Variants in SHISA9 observed in about 807,000 individuals in gnomAD.
The protein encoded by SHISA9 is protein shisa-9.
Under a neutral mutation model 38.0 loss-of-function variants are expected in SHISA9, and 13 were observed. The observed-to-expected ratio is 0.34, with a 90% confidence interval of 0.22 to 0.54. SHISA9 has a LOEUF of 0.54. SHISA9 is among the 20% of genes least tolerant of loss of function. SHISA9 has a pLI of 0.91. For synonymous variants in SHISA9, 275 were observed against 242.0 expected (o/e 1.14, Z -1.27); for missense variants, 538 against 575.8 (o/e 0.93, Z 0.67).
the SHISA9 span, among the ~76,000 whole-genome samples, chr16:13,293,296 A>G: frequency 1.3e-5 from 2 of 152,066 alleles, no homozygotes; most frequent in Non-Finnish European, 2.9e-5. Context: ...TGAGAAGACC[A>G]CGTTGGTTTT....
chr16:13,198,897 G>C (rs2050976350), intron 2 of SHISA9, among the ~76,000 whole-genome samples: 1 of 152,138 alleles, frequency 6.6e-6, no homozygotes, highest in Admixed American at 6.5e-5. Context: ...GGATCGCTTT[G>C]GTGGGGTATT....
chr16:13,345,652 CTT>C, the SHISA9 span, among the ~76,000 whole-genome samples: 1 of 152,062 alleles, frequency 6.6e-6, no homozygotes, highest in Non-Finnish European at 1.5e-5. Context: ...GTATTTCTAT[CTT>C]TAGGTCTTTG....
intron 4 of SHISA9, among the ~76,000 whole-genome samples, chr16:13,229,555 G>T (rs1446954827): frequency 6.6e-6 from 1 of 152,168 alleles, no homozygotes; most frequent in African/African-American, 2.4e-5. Context: ...GAAAATATAT[G>T]TCTGGGCCAC....
downstream of SHISA9, among the ~76,000 whole-genome samples, chr16:13,240,837 C>G (rs911119881): frequency 6.6e-6 from 1 of 151,700 alleles, no homozygotes; most frequent in Non-Finnish European, 1.5e-5. Context: ...CCTGTCTGGC[C>G]TCTGGTAGCA....
At chr16:13,055,011 C>G (rs1324129565) in intron 2 of SHISA9, among the ~76,000 whole-genome samples, 2 of 152,144 alleles carry the variant, frequency 1.3e-5, no homozygotes, top group Non-Finnish European at 2.9e-5. Flanking sequence ...CCCCTTTGTC[C>G]TACAATCACA....
chr16:13,002,375 TC>T (rs1199708309), intron 2 of SHISA9, among the ~76,000 whole-genome samples: 1 of 152,094 alleles, frequency 6.6e-6, no homozygotes, highest in East Asian at 1.9e-4. Flanking sequence ...CCTGCAACCA[TC>T]CTAGGAGTTA....
At chr16:13,343,709 T>C in the SHISA9 span, among the ~76,000 whole-genome samples, 1 of 152,166 alleles carries the variant, frequency 6.6e-6, no homozygotes, top group Non-Finnish European at 1.5e-5. Context: ...CTAAAGCAAT[T>C]GATCTCTGGT....
the SHISA9 span, among the ~76,000 whole-genome samples, chr16:13,489,209 G>A: frequency 6.6e-6 from 1 of 152,038 alleles, no homozygotes; most frequent in South Asian, 2.1e-4. Context: ...CACCACACCC[G>A]GCTAATTTTT....
chr16:13,156,528 A>T (rs1472598661), intron 2 of SHISA9, among the ~76,000 whole-genome samples: 1 of 152,016 alleles, frequency 6.6e-6, no homozygotes, highest in East Asian at 1.9e-4. Context: ...AGGTCGGGAG[A>T]TCGAGACCAT....
At chr16:13,528,443 G>C in the SHISA9 span, among the ~76,000 whole-genome samples, 1 of 151,990 alleles carries the variant, frequency 6.6e-6, no homozygotes, top group Non-Finnish European at 1.5e-5. Flanking sequence ...AAGTCCACTG[G>C]AGCATGTACT....
At chr16:13,443,562 T>C in the SHISA9 span, among the ~76,000 whole-genome samples, 28 of 152,328 alleles carry the variant, frequency 1.8e-4, no homozygotes, top group African/African-American at 6.3e-4. Flanking sequence ...TTGTTTTCGT[T>C]ACTACGTGCT....
chr16:13,359,047 A>G, the SHISA9 span, among the ~76,000 whole-genome samples: 1 of 152,364 alleles, frequency 6.6e-6, no homozygotes, highest in East Asian at 1.9e-4. Context: ...TTTCTTGATT[A>G]GGATGAGAAA....
the SHISA9 span, among the ~76,000 whole-genome samples, chr16:13,291,120 T>C: frequency 9.2e-5 from 14 of 152,296 alleles, no homozygotes; most frequent in South Asian, 6.2e-4. Context: ...CTTATTTCTG[T>C]ATGACTTTTC....
chr16:13,413,143 G>A, the SHISA9 span, among the ~76,000 whole-genome samples: 2 of 152,130 alleles, frequency 1.3e-5, no homozygotes, highest in Non-Finnish European at 2.9e-5. Flanking sequence ...ATGAGGAGGA[G>A]TTTATAACAT....
intron 2 of SHISA9, among the ~76,000 whole-genome samples, chr16:13,085,921 C>G (rs931745737): frequency 6.6e-6 from 1 of 151,374 alleles, no homozygotes; most frequent in Non-Finnish European, 1.5e-5. Flanking sequence ...ATGAAAGAAA[C>G]AATAAAATAA....
the SHISA9 span, among the ~76,000 whole-genome samples, chr16:13,524,580 AAACAG>A: frequency 1.4e-4 from 22 of 152,256 alleles, no homozygotes; most frequent in South Asian, 1.2e-3. Flanking sequence ...AATTTTTTCG[AAACAG>A]TCTTGCTTTG....
chr16:12,999,341 C>T (rs2072496289), intron 2 of SHISA9, among the ~76,000 whole-genome samples: 1 of 152,154 alleles, frequency 6.6e-6, no homozygotes, highest in South Asian at 2.1e-4. Flanking sequence ...CAGAGGGACA[C>T]CTTGTTTTAC....
chr16:13,463,308 C>G, the SHISA9 span, among the ~76,000 whole-genome samples: 1 of 152,122 alleles, frequency 6.6e-6, no homozygotes, highest in Non-Finnish European at 1.5e-5. Context: ...AACTAAGTAG[C>G]AGGTGTGGAG....
intron 2 of SHISA9, among the ~76,000 whole-genome samples, chr16:13,110,829 T>C (rs2073971122): frequency 6.6e-6 from 1 of 152,214 alleles, no homozygotes; most frequent in Non-Finnish European, 1.5e-5. Context: ...TTCATTTAAA[T>C]TGAACAGATG....
Sources: allele counts gnomAD v4.1 joint callset (sites outside exome capture counted in the v4.1 genomes callset), GRCh38; gene constraint gnomAD v4.1.1; transcripts MANE v1.5; gene names NCBI Gene and HGNC (gene_info 2026-07-23, HGNC 2026-07-21).